DOCK10: variants seen among roughly 807,000 people sequenced by gnomAD.
DOCK10 encodes dedicator of cytokinesis 10.
A neutral mutation model predicts 280.1 loss-of-function variants in DOCK10; 145 were observed. The ratio of observed to expected loss-of-function variants is 0.52; its 90% confidence interval spans 0.45 to 0.59. The LOEUF (loss-of-function observed/expected upper bound fraction) is 0.59, where lower values mean the gene tolerates loss of function less well. Among genes scored for constraint, DOCK10 ranks in the 20% least tolerant of loss-of-function variants. DOCK10 has a pLI of 0.00. For missense variants in DOCK10, 2,368 were observed against 2,651.7 expected, an observed-to-expected ratio of 0.89 and a Z score of 2.35; for synonymous variants, 915 against 942.2, an observed-to-expected ratio of 0.97 and a Z score of 0.53.
intron 1 of DOCK10, among the ~76,000 whole-genome samples, chr2:224,982,034 C>T (rs926889272): frequency 5.9e-5 from 9 of 152,192 alleles, no homozygotes; most frequent in Non-Finnish European, 1.3e-4. Context: ...AGAAAATATG[C>T]TCTTTGAATG....
At chr2:224,995,760 G>A (rs1261758021) in intron 1 of DOCK10, among the ~76,000 whole-genome samples, 1 of 152,160 alleles carries the variant, frequency 6.6e-6, no homozygotes, top group East Asian at 1.9e-4. Context: ...AGTGATAGCT[G>A]CATTTTTAAC....
At chr2:224,996,744 G>A (rs1706282547) in intron 1 of DOCK10, among the ~76,000 whole-genome samples, 1 of 152,198 alleles carries the variant, frequency 6.6e-6, no homozygotes, top group South Asian at 2.1e-4. Context: ...CCATAGTGAA[G>A]AAGCACTGAG....
intron 1 of DOCK10, among the ~76,000 whole-genome samples, chr2:225,038,891 C>A (rs1406189058): frequency 2.0e-5 from 3 of 152,100 alleles, no homozygotes; most frequent in Non-Finnish European, 2.9e-5. Context: ...ACTAACCCAC[C>A]TAAAACATTC....
chr2:224,948,022 A>G (rs1223350082), intron 1 of DOCK10, among the ~76,000 whole-genome samples: 3 of 152,266 alleles, frequency 2.0e-5, no homozygotes, highest in Non-Finnish European at 4.4e-5. Flanking sequence ...GATAAAAGCC[A>G]TATAATTGAT....
chr2:225,010,198 G>T (rs1475234360), intron 1 of DOCK10, among the ~76,000 whole-genome samples: 2 of 152,092 alleles, frequency 1.3e-5, no homozygotes, highest in Admixed American at 6.6e-5. Flanking sequence ...TTTTCCTATG[G>T]CAATGGCAGA....
intron 1 of DOCK10, among the ~76,000 whole-genome samples, chr2:224,989,826 AC>A (rs1195879491): frequency 6.6e-6 from 1 of 151,950 alleles, no homozygotes; most frequent in African/African-American, 2.4e-5. Context: ...TGCTACCTCT[AC>A]TCAGGGACTT....
chr2:224,784,827 G>C, intron 50 of DOCK10: 1 of 1,190,736 alleles, frequency 8.4e-7, no homozygotes, highest in South Asian at 1.3e-5. Flanking sequence ...ACTTCTACCT[G>C]CTTTAGAGCC....
chr2:224,802,086 A>T (rs764727804), intron 39 of DOCK10, 46 bp from the exon 40 acceptor site: 356 of 1,589,932 alleles, frequency 2.2e-4, no homozygotes, highest in Non-Finnish European at 3.0e-4. Flanking sequence ...TGGGGATGTT[A>T]TAGCCAAATA....
At position 224,787,021 on chromosome 2, in the gene DOCK10, C is replaced by A; in HGVS notation, c.5655+1G>T. 1 of 1,610,900 alleles carries A rather than the reference C, an allele frequency of 6.2e-7. No individual in the cohort carries two copies. The highest frequency in any genetic ancestry group is 8.5e-7 in the Non-Finnish European group (1 of 1,177,066). On this transcript the variant is annotated splice_donor_variant, in intron 50 of 55. Transcript: ENST00000258390. LOFTEE classifies it high-confidence loss of function. ...GGCCGTGTTATTTCTGGTGAACTTA[C>A]CTGCCCATAAAATGCCACACGATAG...
chr2:224,925,182 GA>G (rs200954031), intron 2 of DOCK10, among the ~76,000 whole-genome samples: 1,947 of 146,610 alleles, frequency 0.013, 40 homozygotes, highest in African/African-American at 0.046. Context: ...CTTTGTCTCA[GA>G]AAAAAAAAAA....
chr2:224,836,612 T>C (rs1241638033), intron 25 of DOCK10, among the ~76,000 whole-genome samples: 1 of 151,924 alleles, frequency 6.6e-6, no homozygotes, highest in East Asian at 1.9e-4. Flanking sequence ...TTTTTTTTTT[T>C]TTTTTGAGAT....
chr2:224,794,785 G>T, intron 45 of DOCK10, 94 bp downstream of exon 45: 3 of 1,192,340 alleles, frequency 2.5e-6, no homozygotes, highest in South Asian at 2.7e-5. Context: ...GAAAAACATG[G>T]CATCCTTTTC....
chr2:224,849,550 G>A lies in DOCK10; in HGVS notation c.2192C>T (p.Thr731Ile). ...GGPLFTSAAY[T>I]AVLHHSQNPD... ...ATTCTGAGAGTGGTGCAGAACTGCT[G>A]TGTAGGCGGCTGAGGTGAAGAGGGG... The change falls in exon 19 of 56, where the codon ACA becomes ATA. Residue 731 changes from threonine to isoleucine, a missense_variant. Around this residue, in one of 2 missense-constraint regions of DOCK10, gnomAD observed 1,209 missense variants for 1,250.9 expected, o/e 0.97. Transcript: ENST00000258390. 1 of 1,612,392 alleles carries A rather than the reference G, an allele frequency of 6.2e-7. No homozygotes were observed. The highest frequency in any genetic ancestry group is 8.5e-7 in the Non-Finnish European group (1 of 1,179,318).
intron 1 of DOCK10, among the ~76,000 whole-genome samples, chr2:224,947,834 T>C (rs1186346609): frequency 6.6e-6 from 1 of 152,200 alleles, no homozygotes; most frequent in Non-Finnish European, 1.5e-5. Flanking sequence ...TCCATGAGCA[T>C]GCAATTTCAT....
intron 29 of DOCK10, among the ~76,000 whole-genome samples, chr2:224,818,398 CTT>C (rs386392783): frequency 4.0e-5 from 5 of 126,422 alleles, no homozygotes; most frequent in Admixed American, 3.2e-4. Flanking sequence ...TGGCCCCTGC[CTT>C]TTTTTTTTTT....
intron 4 of DOCK10, among the ~76,000 whole-genome samples, chr2:224,894,226 G>T (rs983248202): frequency 6.6e-6 from 1 of 152,108 alleles, no homozygotes; most frequent in Non-Finnish European, 1.5e-5. Context: ...AATAATGTCC[G>T]GGATTGGTTT....
intron 1 of DOCK10, among the ~76,000 whole-genome samples, chr2:225,014,089 TTTTTTTTTG>T (rs765792330): frequency 2.1e-4 from 20 of 96,422 alleles, no homozygotes; most frequent in South Asian, 6.4e-4. Flanking sequence ...ATATTGTTTT[TTTTTTTTTG>T]TTTTTTTTTT....
At chr2:224,927,156 AC>A (rs1285261092) in intron 2 of DOCK10, among the ~76,000 whole-genome samples, 52 of 152,186 alleles carry the variant, frequency 3.4e-4, no homozygotes, top group African/African-American at 1.1e-3. Context: ...AACCAGCTAT[AC>A]AGAGAGTGTA....
intron 3 of DOCK10, among the ~76,000 whole-genome samples, chr2:224,905,921 G>C (rs578168466): frequency 8.5e-5 from 13 of 152,082 alleles, no homozygotes; most frequent in Non-Finnish European, 1.9e-4. Flanking sequence ...TACTCTTCCA[G>C]GTTTAAAGCT....
Sources: gnomAD v4.1 joint callset for allele counts (sites outside exome capture counted in the v4.1 genomes callset) on GRCh38, gnomAD v4.1.1 for gene constraint, gnomAD v4.1.1 regional missense constraint, MANE v1.5 for transcripts, NCBI Gene and HGNC (gene_info 2026-07-23, HGNC 2026-07-21) for gene names.